The following GHITM variants were observed in gnomAD, a reference collection of about 807,000 sequenced individuals.
GHITM encodes growth hormone-inducible transmembrane protein.
GHITM carries 24 observed loss-of-function variants against 38.7 expected under a neutral mutation model. That is an observed-to-expected ratio of 0.62 (90% CI 0.45 to 0.87). The LOEUF (loss-of-function observed/expected upper bound fraction) is 0.87. Ranked by LOEUF, GHITM falls within the 40% of genes least tolerant of loss-of-function variation. GHITM has a pLI of 0.00. For synonymous variants in GHITM, 154 were observed against 147.8 expected, an observed-to-expected ratio of 1.04 and a Z score of -0.30; for missense variants, 420 against 429.8, an observed-to-expected ratio of 0.98 and a Z score of 0.20.
At position 84,150,058 on chromosome 10, in the gene GHITM, T is replaced by C; in HGVS notation, c.596T>C (p.Val199Ala). 1 of 1,538,454 alleles carries C rather than the reference T, an allele frequency of 6.5e-7. No individual in the cohort carries two copies. Among genetic ancestry groups the C allele is most frequent in the Non-Finnish European group, 8.8e-7 (1 of 1,136,992 alleles). Reference sequence around the variant, plus strand: ...TGAGCACTTCCTCTTTCTCCAGGTGTGATGGGTGCAGTGGTGGCTCCTCTG... The same window carrying C: ...TGAGCACTTCCTCTTTCTCCAGGTGCGATGGGTGCAGTGGTGGCTCCTCTG... ...KHLAWLLHSG[V>A]MGAVVAPLTI... Residue 199 changes from valine (V) to alanine (A), a missense_variant, in exon 7 of 9, where the codon GTG (valine) becomes GCG (alanine). Transcript: ENST00000372134.
intron 8 of GHITM, 39 bp downstream of exon 8, chr10:84,150,919 C>T (rs1187797591): frequency 4.4e-6 from 6 of 1,374,862 alleles, no homozygotes; most frequent in East Asian, 4.6e-5. Context: ...TACTCTGTCA[C>T]ATAAGGATGC....
At position 84,152,849 on chromosome 10, in the gene GHITM, G is replaced by A. The variant is rs1247795591; in HGVS notation, c.*501G>A. On this transcript the variant is annotated 3_prime_UTR_variant, in exon 9 of 9. Coordinates refer to ENST00000372134, the MANE Select transcript of GHITM (RefSeq NM_014394.3). ...AGCACTTGTGTTATTGATTAGTGAG[G>A]AGCCAGTAAGAAACATCTGGGTATT... 1.3e-5 allele frequency: 2 copies of A among 152,432 alleles called. No individual in the cohort carries two copies. The highest frequency in any genetic ancestry group is 4.8e-5 in the African/African-American group (2 of 41,424). 9.4% of individuals were successfully genotyped at this position (152,432 alleles called of 1,614,324 possible).
intron 5 of GHITM, 58 bp from the exon 6 acceptor site, chr10:84,148,672 G>A (rs1841581106): frequency 1.0e-6 from 1 of 994,342 alleles, no homozygotes; most frequent in African/African-American, 1.6e-5. Flanking sequence ...CAAACCTGTG[G>A]GTTTCTGCTT....
chr10:84,142,812 A>G, intron 3 of GHITM, 58 bp downstream of exon 3: 1 of 850,986 alleles, frequency 1.2e-6, no homozygotes, highest in Non-Finnish European at 1.9e-6. Flanking sequence ...TAAGAGGTCC[A>G]TGAACAACTT....
At chr10:84,149,666 A>G (rs1365761759) in intron 6 of GHITM, among the ~76,000 whole-genome samples, 3 of 152,196 alleles carry the variant, frequency 2.0e-5, no homozygotes, top group Non-Finnish European at 4.4e-5. Context: ...GTTTATCATC[A>G]TATGCTTTCC....
rs756776360 is a variant in GHITM at position 84,142,711 on chromosome 10, C to CA, written c.189dup (p.Glu64ArgfsTer13). On this transcript the variant is annotated frameshift_variant, in exon 3 of 9. Transcript: ENST00000372134. LOFTEE classifies it high-confidence loss of function. The stretch of plus-strand genomic sequence containing the variant: ...GGCGTGGGAGAACTGGCCAAGAACT[C>CA]AAAGAGGCAGCATTGGAACCATCGA... The CA allele has an allele frequency of 3.1e-6, 5 of 1,612,088 alleles. No homozygotes were observed. Among genetic ancestry groups the CA allele is most frequent in the East Asian group, 2.2e-5 (1 of 44,768 alleles).
chr10:84,150,656 G>C, intron 7 of GHITM, 53 bp from the exon 8 acceptor site: 1 of 1,410,180 alleles, frequency 7.1e-7, no homozygotes, highest in Non-Finnish European at 9.8e-7. Context: ...CATAAACTCA[G>C]TTATCGGAAA....
chr10:84,140,110 A>T (rs952656694), intron 1 of GHITM: 1 of 152,232 alleles, frequency 6.6e-6, no homozygotes, highest in Non-Finnish European at 1.5e-5. Context: ...GGTCACTTCT[A>T]ACCTGTCAGA....
At chr10:84,145,188 C>CA (rs1215499983) in intron 5 of GHITM, among the ~76,000 whole-genome samples, 172 bp downstream of exon 5, 1 of 152,100 alleles carries the variant, frequency 6.6e-6, no homozygotes, top group African/African-American at 2.4e-5. Flanking sequence ...AGAAATGCTC[C>CA]AAAATCCAAA....
In GHITM at chr10:84,148,772, C is replaced by T; in HGVS notation, c.526C>T (p.Leu176=). 1 of 1,613,428 alleles carries T rather than the reference C, an allele frequency of 6.2e-7. No individual in the cohort carries two copies. The highest frequency in any genetic ancestry group is 1.1e-5 in the South Asian group (1 of 91,072). Residue 176 remains leucine, a synonymous_variant, in exon 6 of 9, where the codon CTG becomes TTG. Coordinates refer to ENST00000372134, the MANE Select transcript of GHITM (RefSeq NM_014394.3). ...TGCAGCCATGGTTGGAGCTGGAATG[C>T]TGGTACGATCAATACCATATGACCA... ...TFAAMVGAGM[L]VRSIPYDQSP... is the part of the protein sequence containing the mutation.
chr10:84,146,828 T>C (rs367816898), intron 5 of GHITM, among the ~76,000 whole-genome samples: 1 of 152,272 alleles, frequency 6.6e-6, no homozygotes, highest in Admixed American at 6.5e-5. Flanking sequence ...AAGACAAGTG[T>C]TACAGAGATG....
chr10:84,146,010 A>G (rs1009615231), intron 5 of GHITM, among the ~76,000 whole-genome samples: 2 of 152,234 alleles, frequency 1.3e-5, no homozygotes, highest in African/African-American at 4.8e-5. Flanking sequence ...AACCTGAGCA[A>G]CATAGTGAGA....
intron 6 of GHITM, 134 bp from the exon 7 acceptor site, chr10:84,149,921 T>G (rs1423393053): frequency 8.2e-6 from 5 of 611,970 alleles, no homozygotes; most frequent in Non-Finnish European, 1.2e-5. Context: ...GGGGGTAGTA[T>G]TATCTAAAGG....
chr10:84,150,305 C>A, intron 7 of GHITM, 62 bp downstream of exon 7: 1 of 1,214,154 alleles, frequency 8.2e-7, no homozygotes, highest in Non-Finnish European at 1.1e-6. Context: ...CTGAAATACT[C>A]CAATATCCTA....
intron 5 of GHITM, among the ~76,000 whole-genome samples, 200 bp from the exon 6 acceptor site, chr10:84,148,530 A>G (rs1841579868): frequency 6.6e-6 from 1 of 152,332 alleles, no homozygotes; most frequent in African/African-American, 2.4e-5. Flanking sequence ...TTCTGACCTC[A>G]GGTGATCCAC....
rs1141864 is a variant in GHITM, at chr10:84,152,515, T to C, written c.*167T>C. Reference sequence around the variant, plus strand: ...GTGATGCCTCAGGTCTGCCTTTTTTTCTGGAGAATAAATGCAGTAATCCTC... The same window carrying C: ...GTGATGCCTCAGGTCTGCCTTTTTTCCTGGAGAATAAATGCAGTAATCCTC... On this transcript the variant is annotated 3_prime_UTR_variant, in exon 9 of 9. Coordinates refer to ENST00000372134, the MANE Select transcript of GHITM (RefSeq NM_014394.3). 11 of 438,036 alleles carry C rather than the reference T, an allele frequency of 2.5e-5. No individual in the cohort carries two copies. The highest frequency in any genetic ancestry group is 2.0e-4 in the East Asian group (6 of 29,396). The allele number at this position is 438,036 out of a possible 1,614,324, so 27.1% of individuals were successfully genotyped here.
At chr10:84,147,753 A>C (rs1222077467) in intron 5 of GHITM, among the ~76,000 whole-genome samples, 1 of 152,220 alleles carries the variant, frequency 6.6e-6, no homozygotes, top group Non-Finnish European at 1.5e-5. Flanking sequence ...ACATGTTAAT[A>C]CATTCTTCTT....
intron 1 of GHITM, chr10:84,139,909 T>G (rs1040846829): frequency 2.0e-5 from 3 of 152,328 alleles, no homozygotes; most frequent in African/African-American, 4.8e-5. Context: ...GGCAGAGGTG[T>G]TGTGGGTTGA....
In GHITM at chr10:84,141,542, T is replaced by C. The variant is rs531045475; in HGVS notation, c.42T>C (p.Ser14=). ...ARLVCLRTLP[S]RVFHPAFTKA... The stretch of plus-strand genomic sequence containing the variant: ...TGGTGTGTCTCCGGACACTACCTTC[T>C]AGGGTTTTCCACCCAGCTTTCACCA... Residue 14 remains serine (S), a synonymous_variant, in exon 2 of 9, where the codon TCT becomes TCC. Coordinates refer to ENST00000372134, the MANE Select transcript of GHITM (RefSeq NM_014394.3). 3.7e-6 allele frequency: 6 copies of C among 1,613,706 alleles called. No individual in the cohort carries two copies. The South Asian group carries it at 4.4e-5, about 12-fold the overall frequency.
Sources: allele counts gnomAD v4.1 joint callset (sites outside exome capture counted in the v4.1 genomes callset), GRCh38; gene constraint gnomAD v4.1.1; transcripts MANE v1.5; gene names NCBI Gene and HGNC (gene_info 2026-07-23, HGNC 2026-07-21).